The following SLC24A3 variants were observed in gnomAD, a reference collection of about 807,000 sequenced individuals.
SLC24A3 encodes solute carrier family 24 member 3, also known as sodium/potassium/calcium exchanger 3.
Under a neutral mutation model 75.8 loss-of-function variants are expected in SLC24A3, and 28 were observed. The observed-to-expected ratio is 0.37, with a 90% CI of 0.27 to 0.51. SLC24A3 has a LOEUF of 0.51. Ranked by LOEUF, SLC24A3 falls within the 20% of genes least tolerant of loss-of-function variation. The pLI, the probability that SLC24A3 is intolerant of heterozygous loss-of-function variation, is 0.94. For synonymous variants in SLC24A3, 372 were observed against 334.1 expected (o/e 1.11, Z -1.24); for missense variants, 663 against 847.8 (o/e 0.78, Z 2.71).
intron 2 of SLC24A3, among the ~76,000 whole-genome samples, chr20:19,446,115 G>A (rs1987379178): frequency 6.6e-6 from 1 of 152,170 alleles, no homozygotes. Flanking sequence ...CCAAGTTGCT[G>A]CTCATAGAGT....
chr20:19,589,600 C>A (rs1037030931), intron 6 of SLC24A3, among the ~76,000 whole-genome samples: 2 of 152,176 alleles, frequency 1.3e-5, no homozygotes, highest in Non-Finnish European at 2.9e-5. Context: ...TGGGTCTCAT[C>A]TTCAGCTCCC....
intron 3 of SLC24A3, among the ~76,000 whole-genome samples, chr20:19,578,296 G>T (rs2122630147): frequency 6.6e-6 from 1 of 152,048 alleles, no homozygotes; most frequent in Admixed American, 6.6e-5. Flanking sequence ...ATGCTTGCGT[G>T]TGTGTGCCTG....
At position 19,684,315 on chromosome 20, in the gene SLC24A3, C is replaced by T. The variant is rs775008026; in HGVS notation, c.1041C>T (p.Ala347=). The change falls in exon 11 of 17, where the codon GCC becomes GCT. Residue 347 remains alanine (A), a synonymous_variant. Transcript: ENST00000328041. The part of the protein sequence containing the change: ...HFPPKTRLSM[A]SRMLINERQR... Reference sequence around the variant, plus strand: ...CCCCCAAGACCCGGCTCTCCATGGCCAGTCGCATGTTGATCAATGAGGTAC... The same window carrying T: ...CCCCCAAGACCCGGCTCTCCATGGCTAGTCGCATGTTGATCAATGAGGTAC... 18 of 1,613,982 alleles carry T rather than the reference C, an allele frequency of 1.1e-5. No individual in the cohort carries two copies. Among genetic ancestry groups the T allele is most frequent in the Non-Finnish European group, 1.5e-5 (18 of 1,179,952 alleles).
chr20:19,367,544 A>G (rs1985914743), intron 2 of SLC24A3, among the ~76,000 whole-genome samples: 1 of 151,968 alleles, frequency 6.6e-6, no homozygotes, highest in African/African-American at 2.4e-5. Flanking sequence ...GTGAGTGTTC[A>G]AGGGCTCTCC....
chr20:19,458,213 A>G (rs1987612642), intron 2 of SLC24A3, among the ~76,000 whole-genome samples: 1 of 152,052 alleles, frequency 6.6e-6, no homozygotes, highest in East Asian at 1.9e-4. Context: ...GTCTATGTTC[A>G]TGTGTGTGTT....
At chr20:19,529,232 G>A (rs1023015174) in intron 3 of SLC24A3, among the ~76,000 whole-genome samples, 17 of 152,066 alleles carry the variant, frequency 1.1e-4, no homozygotes, top group African/African-American at 4.1e-4. Context: ...TGTCTCCGTG[G>A]CAACCCATAC....
At chr20:19,342,934 G>A (rs990554865) in intron 2 of SLC24A3, among the ~76,000 whole-genome samples, 1 of 151,984 alleles carries the variant, frequency 6.6e-6, no homozygotes, top group Non-Finnish European at 1.5e-5. Flanking sequence ...GCTGGGCGTG[G>A]TGGCAGGTGC....
intron 2 of SLC24A3, among the ~76,000 whole-genome samples, chr20:19,449,659 T>A (rs1987447768): frequency 6.6e-6 from 1 of 152,166 alleles, no homozygotes; most frequent in South Asian, 2.1e-4. Flanking sequence ...ATGAGATGAA[T>A]GAGAACTTCT....
intron 1 of SLC24A3, chr20:19,261,660 C>T (rs1193197092): frequency 6.6e-6 from 1 of 152,202 alleles, no homozygotes; most frequent in Non-Finnish European, 1.5e-5. Flanking sequence ...TACTGCCCTT[C>T]ACAAAAATAT....
chr20:19,268,408 T>G (rs1983228938), intron 1 of SLC24A3, among the ~76,000 whole-genome samples: 1 of 152,242 alleles, frequency 6.6e-6, no homozygotes, highest in Non-Finnish European at 1.5e-5. Context: ...CACACAATTC[T>G]GAAGGTGGGG....
intron 2 of SLC24A3, among the ~76,000 whole-genome samples, chr20:19,288,626 G>A (rs530420948): frequency 6.6e-6 from 1 of 152,326 alleles, no homozygotes; most frequent in East Asian, 1.9e-4. Flanking sequence ...ATACCTCAAG[G>A]TCAGGAAAAA....
At chr20:19,541,578 C>T (rs2030498406) in intron 3 of SLC24A3, among the ~76,000 whole-genome samples, 1 of 152,192 alleles carries the variant, frequency 6.6e-6, no homozygotes, top group Non-Finnish European at 1.5e-5. Flanking sequence ...ACTTGGAATC[C>T]CAAATCCCTA....
chr20:19,672,837 G>C (rs1354256193), intron 8 of SLC24A3, among the ~76,000 whole-genome samples: 2 of 152,184 alleles, frequency 1.3e-5, no homozygotes, highest in Non-Finnish European at 2.9e-5. Context: ...TTTGAAAAGA[G>C]AAAAGGAAGG....
Position 19,685,259 on chromosome 20 carries a change from G to A in SLC24A3, c.1222G>A (p.Gly408Ser). Residue 408 changes from glycine (G) to serine (S), a missense_variant, in exon 12 of 17, where the codon GGC becomes AGC. Coordinates refer to ENST00000328041, the MANE Select transcript of SLC24A3 (RefSeq NM_020689.4). ...GAGGGACGATGTTGTGGCTGAGGCT[G>A]GCAACGAAACAGAGAATGAAAATGA... ...TRRDDVVAEA[G>S]NETENENEDN... 6.2e-7 allele frequency: 1 copy of A among 1,614,120 alleles called. No individual in the cohort carries two copies. The highest frequency in any genetic ancestry group is 8.5e-7 in the Non-Finnish European group (1 of 1,180,036).
chr20:19,297,222 G>A (rs551941309), intron 2 of SLC24A3, among the ~76,000 whole-genome samples: 10 of 152,256 alleles, frequency 6.6e-5, no homozygotes, highest in African/African-American at 1.7e-4. Context: ...TCTCACATGT[G>A]TTGTTAGATC....
chr20:19,234,949 C>T (rs759937225), intron 1 of SLC24A3, among the ~76,000 whole-genome samples: 15 of 152,164 alleles, frequency 9.9e-5, no homozygotes, highest in Admixed American at 2.6e-4. Context: ...GCCTGGAATA[C>T]GGTGTGACTG....
Position 19,343,069 on chromosome 20 carries a change from C to CAAAAAA in SLC24A3, c.271+61992_271+61997dup, listed in dbSNP as rs5840837. On this transcript the variant is annotated intron_variant, in intron 2 of 16. Coordinates refer to ENST00000328041, the MANE Select transcript of SLC24A3 (RefSeq NM_020689.4). The stretch of plus-strand genomic sequence containing the variant: ...TGGGTGACAGAACGAGACTCCATCT[C>CAAAAAA]AAAAAAAAAAAAAAAGAAAAAAGAA... 2.2e-3 allele frequency among the ~76,000 whole-genome samples: 165 copies of CAAAAAA among 73,640 alleles called. 6 individuals are homozygous for CAAAAAA. The highest frequency in any genetic ancestry group is 7.1e-3 in the South Asian group (14 of 1,962). The allele number at this position is 73,640 out of a possible 152,430, so 48.3% of individuals were successfully genotyped here.
chr20:19,438,272 G>T (rs948376976), intron 2 of SLC24A3, among the ~76,000 whole-genome samples: 1 of 152,162 alleles, frequency 6.6e-6, no homozygotes, highest in South Asian at 2.1e-4. Context: ...ACCACTTCAG[G>T]GCAGTAAATT....
chr20:19,241,832 C>G (rs890524907), intron 1 of SLC24A3, among the ~76,000 whole-genome samples: 14 of 152,332 alleles, frequency 9.2e-5, no homozygotes, highest in African/African-American at 3.1e-4. Flanking sequence ...TCAGCTTCCC[C>G]TGACAATGGG....
Sources: allele counts gnomAD v4.1 joint callset (sites outside exome capture counted in the v4.1 genomes callset), GRCh38; gene constraint gnomAD v4.1.1; transcripts MANE v1.5; gene names NCBI Gene and HGNC (gene_info 2026-07-23, HGNC 2026-07-21).